MKLN1: variants seen among roughly 807,000 people sequenced by gnomAD.
MKLN1 encodes muskelin 1.
Under a neutral mutation model 99.0 loss-of-function variants are expected in MKLN1, and 18 were observed. The ratio of observed to expected loss-of-function variants is 0.18; its 90% CI spans 0.13 to 0.27. The LOEUF (loss-of-function observed/expected upper bound fraction) is 0.27, where lower values mean the gene tolerates loss of function less well. Among genes scored for constraint, MKLN1 ranks in the 10% least tolerant of loss-of-function variants. The pLI, the probability that MKLN1 is intolerant of heterozygous loss-of-function variation, is 1.00. For missense variants in MKLN1, 621 were observed against 875.9 expected, an observed-to-expected ratio of 0.71 and a Z score of 3.67; for synonymous variants, 288 against 293.2, an observed-to-expected ratio of 0.98 and a Z score of 0.18.
At chr7:131,227,539 C>CTTTCTTTCTTTCTT (rs1563259405) in intron 3 of MKLN1, among the ~76,000 whole-genome samples, 3 of 17,390 alleles carry the variant, frequency 1.7e-4, no homozygotes, top group South Asian at 1.4e-3. Flanking sequence ...CTTTCTTTCT[C>CTTTCTTTCTTTCTT]TCTTTCTTTT....
intron 3 of MKLN1, among the ~76,000 whole-genome samples, chr7:131,265,995 G>A (rs551054931): frequency 4.8e-4 from 73 of 152,098 alleles, no homozygotes; most frequent in Admixed American, 1.1e-3. Flanking sequence ...TCAACATGGC[G>A]AAACCCTATC....
chr7:131,276,642 A>G, intron 3 of MKLN1, among the ~76,000 whole-genome samples: 1 of 152,190 alleles, frequency 6.6e-6, no homozygotes, highest in Admixed American at 6.5e-5. Context: ...GTCTCTGAGG[A>G]AGATAAACTG....
intron 7 of MKLN1, among the ~76,000 whole-genome samples, chr7:131,414,170 A>C (rs1310209706): frequency 6.6e-6 from 1 of 152,218 alleles, no homozygotes; most frequent in Non-Finnish European, 1.5e-5. Context: ...CATTATACAA[A>C]ATTAATATCA....
chr7:131,212,249 T>G (rs548887284), intron 3 of MKLN1, among the ~76,000 whole-genome samples: 3 of 152,350 alleles, frequency 2.0e-5, no homozygotes, highest in African/African-American at 7.2e-5. Flanking sequence ...CAAGGCAAAC[T>G]TGAACCTTCC....
chr7:131,464,705 A>G (rs1487891799), intron 14 of MKLN1, among the ~76,000 whole-genome samples: 1 of 152,224 alleles, frequency 6.6e-6, no homozygotes, highest in Non-Finnish European at 1.5e-5. Context: ...CAATGTGACT[A>G]TCCAAGTAAA....
At chr7:131,188,162 T>C (rs772913630) in intron 2 of MKLN1, among the ~76,000 whole-genome samples, 2 of 152,228 alleles carry the variant, frequency 1.3e-5, no homozygotes, top group Non-Finnish European at 2.9e-5. Flanking sequence ...AAGTGTGTGA[T>C]AAACATGAAT....
At chr7:131,350,375 T>C (rs75446197) in intron 1 of MKLN1, among the ~76,000 whole-genome samples, 6,016 of 152,194 alleles carry the variant, frequency 0.04, 214 homozygotes, top group East Asian at 0.19. Context: ...TATCTATTAA[T>C]CCATAACAAA....
intron 3 of MKLN1, chr7:131,284,919 T>C (rs1297685609): frequency 6.6e-6 from 1 of 152,242 alleles, no homozygotes; most frequent in Non-Finnish European, 1.5e-5. Context: ...TAGAACGCTC[T>C]GTCCTTGTTA....
At chr7:131,279,162 A>G (rs1031318984) in intron 3 of MKLN1, among the ~76,000 whole-genome samples, 3 of 152,194 alleles carry the variant, frequency 2.0e-5, no homozygotes, top group Non-Finnish European at 4.4e-5. Context: ...CTAGTGGGAG[A>G]GGCAGATAGG....
chr7:131,192,110 T>C (rs1304386565), intron 2 of MKLN1, among the ~76,000 whole-genome samples: 1 of 74,692 alleles, frequency 1.3e-5, no homozygotes, highest in Non-Finnish European at 2.5e-5. Context: ...ATATATATAT[T>C]ATATATATAC....
In MKLN1 at chr7:131,114,231, C is replaced by T. The variant is rs1313466432; in HGVS notation, c.-419+4024C>T. On this transcript the variant is annotated intron_variant, in intron 1 of 7. Transcript: ENST00000416992. ...AGCCATAAATCTGCTCCCATTATAT[C>T]CTGCAGATATATCCTGAGGTCCAAG... is the stretch of plus-strand genomic sequence containing the variant. 9.9e-5 allele frequency among the ~76,000 whole-genome samples: 15 copies of T among 152,116 alleles called. 1 individual carries two copies. The highest frequency in any genetic ancestry group is 9.8e-4 in the Admixed American group (15 of 15,276).
chr7:131,227,621 G>A lies in MKLN1; in HGVS notation c.-179+24647G>A, dbSNP rs188538990. 8.3e-3 allele frequency among the ~76,000 whole-genome samples: 1,228 copies of A among 147,690 alleles called. 5 individuals are homozygous for A. The highest frequency in any genetic ancestry group is 0.013 in the Non-Finnish European group (851 of 66,796). ...CACTCTGTCACCCAGGCTGGAGTGC[G>A]GTGGAGCAATCTTGGCTCACTGTAA... On this transcript the variant is annotated intron_variant, in intron 3 of 7. Coordinates refer to the MKLN1 transcript ENST00000416992.
chr7:131,205,866 C>A (rs886937263), intron 3 of MKLN1, among the ~76,000 whole-genome samples: 1 of 151,788 alleles, frequency 6.6e-6, no homozygotes, highest in African/African-American at 2.4e-5. Context: ...CTGTGACTTT[C>A]CTCTTCTGCT....
At chr7:131,350,505 T>A (rs1799689196) in intron 1 of MKLN1, among the ~76,000 whole-genome samples, 1 of 152,238 alleles carries the variant, frequency 6.6e-6, no homozygotes, top group Admixed American at 6.5e-5. Flanking sequence ...AGTCAAGATG[T>A]TGGCTGGGGC....
rs144009853 is a variant in MKLN1, at chr7:131,137,138, C to A, written c.-418-5682C>A. Among the ~76,000 whole-genome samples, 268 of 152,284 alleles carry A rather than the reference C, an allele frequency of 1.8e-3. 1 individual carries two copies. Among genetic ancestry groups the A allele is most frequent in the African/African-American group, 6.0e-3 (248 of 41,558 alleles). ...AAAATGCAGGGGTTACAGGTGCGAGCCATCACACTTGGCCCTTGATCCTAT... is the reference window on the plus strand; with the variant it reads ...AAAATGCAGGGGTTACAGGTGCGAGACATCACACTTGGCCCTTGATCCTAT... On this transcript the variant is annotated intron_variant, in intron 1 of 7. Transcript: ENST00000416992.
intron 2 of MKLN1, among the ~76,000 whole-genome samples, chr7:131,188,535 T>C (rs1332006742): frequency 2.0e-5 from 3 of 152,210 alleles, no homozygotes; most frequent in Admixed American, 1.3e-4. Context: ...AGCCTGGACT[T>C]GTTCGCATAG....
intron 3 of MKLN1, among the ~76,000 whole-genome samples, chr7:131,241,856 T>C (rs1055285618): frequency 6.6e-6 from 1 of 152,202 alleles, no homozygotes; most frequent in Admixed American, 6.5e-5. Flanking sequence ...TTGCTGTTCA[T>C]TGCATAGACC....
intron 3 of MKLN1, among the ~76,000 whole-genome samples, chr7:131,209,846 G>C (rs1796874398): frequency 1.3e-5 from 2 of 152,070 alleles, no homozygotes; most frequent in African/African-American, 4.8e-5. Context: ...TGGCTGTCCG[G>C]AATACCATCG....
intron 2 of MKLN1, among the ~76,000 whole-genome samples, chr7:131,380,600 A>C (rs1249788736): frequency 6.6e-6 from 1 of 152,214 alleles, no homozygotes; most frequent in Non-Finnish European, 1.5e-5. Flanking sequence ...CAGTAATATA[A>C]TATTGCAGAT....
Sources: allele counts gnomAD v4.1 joint callset (sites outside exome capture counted in the v4.1 genomes callset), GRCh38; gene constraint gnomAD v4.1.1; transcripts MANE v1.5; gene names NCBI Gene and HGNC (gene_info 2026-07-23, HGNC 2026-07-21).